The following GNG12 variants were observed in gnomAD, a reference collection of about 807,000 sequenced individuals.
GNG12 encodes guanine nucleotide-binding protein G(I)/G(S)/G(O) subunit gamma-12.
For missense variants in GNG12, 69 were observed against 83.8 expected, an observed-to-expected ratio of 0.82 and a Z score of 0.69; for synonymous variants, 28 against 29.7, an observed-to-expected ratio of 0.94 and a Z score of 0.19.
At chr1:67,719,510 C>G (rs928560592) in intron 2 of GNG12, among the ~76,000 whole-genome samples, 4 of 152,084 alleles carry the variant, frequency 2.6e-5, no homozygotes, top group Admixed American at 2.6e-4. Context: ...TAGCCACCGT[C>G]AAGCTTTCAA....
rs74732824 is a variant in GNG12 at position 67,776,169 on chromosome 1, T to C, written c.-27+1289A>G. 4.7e-3 allele frequency among the ~76,000 whole-genome samples: 718 copies of C among 152,220 alleles called. 1 individual carries two copies. Among genetic ancestry groups the C allele is most frequent in the African/African-American group, 0.017 (690 of 41,542 alleles). On this transcript the variant is annotated intron_variant, in intron 2 of 3. Transcript: ENST00000370982. ...TTTGCAAGACTGCCTAGGAACTTGT[T>C]GAACTGACTGAGATGCCAGACGGCT... is the stretch of plus-strand genomic sequence containing the variant.
At chr1:67,706,719 G>C (rs1349854236) in intron 3 of GNG12, among the ~76,000 whole-genome samples, 1 of 150,024 alleles carries the variant, frequency 6.7e-6, no homozygotes, top group Non-Finnish European at 1.5e-5. Context: ...GCAATGGCGC[G>C]ATCTTGGTTC....
chr1:67,718,687 T>C (rs1206025956), intron 2 of GNG12, among the ~76,000 whole-genome samples: 2 of 151,108 alleles, frequency 1.3e-5, no homozygotes, highest in Admixed American at 1.3e-4. Flanking sequence ...CGCCTGAGCC[T>C]TGTAACAGCA....
intron 1 of GNG12, among the ~76,000 whole-genome samples, chr1:67,820,662 T>C (rs1646979918): frequency 6.6e-6 from 1 of 152,190 alleles, no homozygotes; most frequent in East Asian, 1.9e-4. Flanking sequence ...GTCAGACCAC[T>C]CACTACTGTG....
intron 1 of GNG12, among the ~76,000 whole-genome samples, chr1:67,830,633 T>C (rs1402990174): frequency 6.6e-6 from 1 of 152,244 alleles, no homozygotes; most frequent in African/African-American, 2.4e-5. Context: ...TCTCTTTAAA[T>C]GTAAAGGATA....
At chr1:67,794,860 T>C (rs1646820981) in intron 1 of GNG12, among the ~76,000 whole-genome samples, 2 of 152,180 alleles carry the variant, frequency 1.3e-5, no homozygotes, top group Non-Finnish European at 2.9e-5. Flanking sequence ...CATCCATCTA[T>C]CCAACCAACC....
intron 1 of GNG12, among the ~76,000 whole-genome samples, chr1:67,824,474 C>T (rs1331722071): frequency 7.5e-6 from 1 of 133,236 alleles, no homozygotes; most frequent in Non-Finnish European, 1.5e-5. Context: ...TGTGCCACTG[C>T]ACTCCAGCCA....
intron 2 of GNG12, among the ~76,000 whole-genome samples, chr1:67,742,135 T>C (rs958908776): frequency 2.0e-5 from 3 of 152,176 alleles, no homozygotes; most frequent in Admixed American, 2.0e-4. Context: ...AGAGGGGGCA[T>C]CAATTAGGGT....
chr1:67,808,689 T>C (rs1185315459), intron 1 of GNG12, among the ~76,000 whole-genome samples: 1 of 152,114 alleles, frequency 6.6e-6, no homozygotes, highest in Non-Finnish European at 1.5e-5. Context: ...AGAAACACAT[T>C]ACTATTTATA....
At chr1:67,763,009 C>T (rs1369075337) in intron 2 of GNG12, among the ~76,000 whole-genome samples, 2 of 151,158 alleles carry the variant, frequency 1.3e-5, no homozygotes. Context: ...TAAGTTCAGA[C>T]TTAGAGAATA....
At chr1:67,811,686 A>T (rs1217540662) in intron 1 of GNG12, among the ~76,000 whole-genome samples, 2 of 152,202 alleles carry the variant, frequency 1.3e-5, no homozygotes, top group Non-Finnish European at 2.9e-5. Context: ...AGCAAGCTGT[A>T]CCCTATTCAC....
At chr1:67,783,908 C>T (rs1046259430) in intron 1 of GNG12, among the ~76,000 whole-genome samples, 71 of 149,678 alleles carry the variant, frequency 4.7e-4, no homozygotes, top group African/African-American at 1.6e-3. Flanking sequence ...GTCAGTGTGG[C>T]GATTCCTCAG....
chr1:67,738,985 C>A (rs1409606720), intron 2 of GNG12, among the ~76,000 whole-genome samples: 5 of 152,118 alleles, frequency 3.3e-5, no homozygotes, highest in African/African-American at 1.2e-4. Flanking sequence ...TCGAGACCAG[C>A]CTGGCCAATA....
At position 67,704,145 on chromosome 1, in the gene GNG12, G is replaced by C. The variant is rs1318019349; in HGVS notation, c.*1306C>G. 2.0e-5 allele frequency: 3 copies of C among 152,256 alleles called. No homozygotes were observed. Among genetic ancestry groups the C allele is most frequent in the African/African-American group, 7.2e-5 (3 of 41,466 alleles). 9.4% of individuals were successfully genotyped at this position (152,256 alleles called of 1,614,324 possible). A position where few individuals can be genotyped will look rare whatever the true frequency, so the allele number is the denominator to read the frequency against. The stretch of plus-strand genomic sequence containing the variant: ...AGTGTGAGGGCTATATTTGGGCCCA[G>C]AGGAAAATCAAGGAACCCCATATCC... On this transcript the variant is annotated 3_prime_UTR_variant, in exon 4 of 4. Transcript: ENST00000370982.
At chr1:67,806,475 C>T (rs960092420) in intron 1 of GNG12, among the ~76,000 whole-genome samples, 1 of 151,880 alleles carries the variant, frequency 6.6e-6, no homozygotes, top group South Asian at 2.1e-4. Context: ...CATATGTGTG[C>T]GTTCCACAGG....
rs146403193 is a variant in GNG12, at chr1:67,770,651, G to A, written c.-27+6807C>T. The stretch of plus-strand genomic sequence containing the variant: ...AGGAGAGAACCACCCAAATCCCGGG[G>A]GGCCCAGAGCAAGGCCCCTCAGAGG... On this transcript the variant is annotated intron_variant, in intron 2 of 3. Transcript: ENST00000370982. Among the ~76,000 whole-genome samples, 939 of 152,234 alleles carry A rather than the reference G, an allele frequency of 6.2e-3. 9 individuals carry two copies. The highest frequency in any genetic ancestry group is 0.022 in the African/African-American group (898 of 41,548).
chr1:67,823,665 G>A (rs1239074136), intron 1 of GNG12, among the ~76,000 whole-genome samples: 1 of 152,210 alleles, frequency 6.6e-6, no homozygotes, highest in Non-Finnish European at 1.5e-5. Context: ...AAGAAGAGCT[G>A]ACACTTTTAT....
At chr1:67,799,561 C>T (rs927241738) in intron 1 of GNG12, among the ~76,000 whole-genome samples, 6 of 152,108 alleles carry the variant, frequency 3.9e-5, no homozygotes, top group Admixed American at 3.9e-4. Flanking sequence ...ATGTGTATAC[C>T]AGCAACTAGA....
chr1:67,713,795 G>A (rs189026449), intron 2 of GNG12, among the ~76,000 whole-genome samples: 1 of 152,300 alleles, frequency 6.6e-6, no homozygotes, highest in East Asian at 1.9e-4. Flanking sequence ...GGTTGTCAGG[G>A]GAGAAACAGA....
Sources: gnomAD v4.1 joint callset for allele counts (sites outside exome capture counted in the v4.1 genomes callset) on GRCh38, gnomAD v4.1.1 for gene constraint, MANE v1.5 for transcripts, NCBI Gene and HGNC (gene_info 2026-07-23, HGNC 2026-07-21) for gene names.